The following XPO4 variants were observed in gnomAD, a reference collection of about 807,000 sequenced individuals.
XPO4 encodes the protein exportin-4.
In XPO4, 39 loss-of-function variants were observed where a neutral mutation model predicts 143.0. That is an observed-to-expected ratio of 0.27 (90% CI 0.21 to 0.36). The LOEUF (loss-of-function observed/expected upper bound fraction) is 0.36, where lower values mean the gene tolerates loss of function less well. Among genes scored for constraint, XPO4 ranks in the 10% least tolerant of loss-of-function variants. The pLI is 1.00. For synonymous variants in XPO4, 439 were observed against 474.0 expected (o/e 0.93, Z 0.96); for missense variants, 907 against 1,348.0 (o/e 0.67, Z 5.12).
intron 6 of XPO4, among the ~76,000 whole-genome samples, chr13:20,839,116 T>C (rs1184152770): frequency 4.6e-5 from 7 of 151,908 alleles, no homozygotes; most frequent in Admixed American, 1.3e-4. Flanking sequence ...AATACAAAAC[T>C]AGCAGGGCGT....
chr13:20,795,389 C>T (rs972938624), intron 18 of XPO4, among the ~76,000 whole-genome samples: 2 of 152,166 alleles, frequency 1.3e-5, no homozygotes, highest in African/African-American at 2.4e-5. Flanking sequence ...AGACACAATG[C>T]TAGGCACCAA....
chr13:20,868,772 C>G, intron 1 of XPO4, 71 bp from the exon 2 acceptor site: 4 of 1,430,932 alleles, frequency 2.8e-6, no homozygotes, highest in Non-Finnish European at 3.8e-6. Context: ...ATATTTTTAC[C>G]CACAAGAACA....
chr13:20,785,060 G>A (rs2059183888), intron 22 of XPO4, among the ~76,000 whole-genome samples: 1 of 152,132 alleles, frequency 6.6e-6, no homozygotes, highest in Non-Finnish European at 1.5e-5. Context: ...TAGGGACAGG[G>A]TTCTGCAATG....
Position 20,809,241 on chromosome 13 carries a change from G to T in XPO4, c.1351-16C>A, listed in dbSNP as rs758735632. 16 of 1,610,720 alleles carry T rather than the reference G, an allele frequency of 9.9e-6. No individual in the cohort carries two copies. The East Asian group carries it at 2.5e-4, about 25-fold the overall frequency. On this transcript the variant is annotated splice_polypyrimidine_tract_variant and intron_variant, in intron 10 of 22. Coordinates refer to ENST00000255305, the MANE Select transcript of XPO4 (RefSeq NM_022459.5). ...CATTGGCAGTCTATTGCAAGTAAAAGAAATAAACAATGAGGAACTGCATTG... is the reference window on the plus strand; with the variant it reads ...CATTGGCAGTCTATTGCAAGTAAAATAAATAAACAATGAGGAACTGCATTG...
At chr13:20,784,551 TTC>T (rs1164908702) in intron 22 of XPO4, among the ~76,000 whole-genome samples, 2 of 152,302 alleles carry the variant, frequency 1.3e-5, no homozygotes, top group Admixed American at 6.5e-5. Context: ...ATGGGAAATT[TTC>T]TGTTTTTAAT....
rs1264705281 is a variant in XPO4, at chr13:20,821,809, T to C, written c.1068A>G (p.Pro356=). 5.0e-6 allele frequency: 8 copies of C among 1,614,004 alleles called. No individual in the cohort carries two copies. Among genetic ancestry groups the C allele is most frequent in the African/African-American group, 1.3e-5 (1 of 74,954 alleles). ...SIISNLITVF[P]RNVLTAIPSE... ...TTGGAATGGCAGTTAAAACATTTCG[T>C]GGGAACACGGTTATCAGGTTGCTGA... Residue 356 remains proline (P), a synonymous_variant, in exon 9 of 23, where the codon CCA becomes CCG. Transcript: ENST00000255305.
In XPO4 at chr13:20,790,583, A is replaced by G; in HGVS notation, c.2798-3T>C. ...CTCATGTCCTCTAAACACTTCATCT[A>G]TTAAAATAAAAGGATGCAGGCTTAT... is the stretch of plus-strand genomic sequence containing the variant. On this transcript the variant is annotated splice_region_variant and splice_polypyrimidine_tract_variant and intron_variant, in intron 18 of 22. Coordinates refer to ENST00000255305, the MANE Select transcript of XPO4 (RefSeq NM_022459.5). 6.2e-7 allele frequency: 1 copy of G among 1,610,902 alleles called. No homozygotes were observed.
intron 6 of XPO4, among the ~76,000 whole-genome samples, chr13:20,838,881 C>A (rs1366905541): frequency 6.6e-6 from 1 of 152,042 alleles, no homozygotes; most frequent in African/African-American, 2.4e-5. Context: ...GTGGTATATC[C>A]ATACAATATT....
intron 2 of XPO4, among the ~76,000 whole-genome samples, chr13:20,866,928 T>C (rs1374769813): frequency 6.6e-6 from 1 of 152,212 alleles, no homozygotes; most frequent in Non-Finnish European, 1.5e-5. Context: ...GAAAGTCAGA[T>C]GAAACACTGA....
chr13:20,856,847 G>A (rs557943737), intron 3 of XPO4: 114 of 985,006 alleles, frequency 1.2e-4, no homozygotes, highest in Admixed American at 3.1e-4. Context: ...AGATTATGAC[G>A]TCACTTTCTC....
chr13:20,902,628 G>A (rs1404726148), intron 1 of XPO4, 42 bp downstream of exon 1: 9 of 1,519,346 alleles, frequency 5.9e-6, no homozygotes, highest in Non-Finnish European at 7.9e-6. Context: ...GGCCGACCGG[G>A]GGCCCGCGAA....
chr13:20,889,905 C>T (rs905094604), intron 1 of XPO4, among the ~76,000 whole-genome samples: 5 of 152,232 alleles, frequency 3.3e-5, no homozygotes, highest in African/African-American at 1.2e-4. Context: ...ATTTATAAAT[C>T]TAAAAATGAA....
At position 20,850,951 on chromosome 13, in the gene XPO4, TTTAG is replaced by T. The variant is rs1249769867; in HGVS notation, c.456+4672_456+4675del. The T allele has an allele frequency of 7.1e-6, 7 of 985,302 alleles. No homozygotes were observed. The South Asian group carries it at 2.3e-4, about 33-fold the overall frequency. 61.0% of individuals were successfully genotyped at this position (985,302 alleles called of 1,614,324 possible). On this transcript the variant is annotated intron_variant, in intron 4 of 22. Coordinates refer to ENST00000255305, the MANE Select transcript of XPO4 (RefSeq NM_022459.5). ...ACCCTTTCTTCATCTACAGAAAACC[TTTAG>T]TTAATTTTTTCTACTTTTCAAATCT...
chr13:20,792,153 G>A (rs1230958531), intron 18 of XPO4, among the ~76,000 whole-genome samples: 1 of 152,170 alleles, frequency 6.6e-6, no homozygotes, highest in African/African-American at 2.4e-5. Flanking sequence ...AAAGCAGGTC[G>A]GATACCACGT....
chr13:20,861,986 C>T (rs922020079), intron 3 of XPO4, among the ~76,000 whole-genome samples: 12 of 151,712 alleles, frequency 7.9e-5, no homozygotes, highest in Non-Finnish European at 1.6e-4. Flanking sequence ...ATGGCGTTTC[C>T]GCATATTGGC....
intron 20 of XPO4, 147 bp downstream of exon 20, chr13:20,788,339 G>T: frequency 9.6e-7 from 1 of 1,041,090 alleles, no homozygotes; most frequent in Non-Finnish European, 1.3e-6. Flanking sequence ...TTACAGGTGT[G>T]AGCCACCGTG....
At chr13:20,787,145 G>T in intron 21 of XPO4, 88 bp from the exon 22 acceptor site, 2 of 1,122,954 alleles carry the variant, frequency 1.8e-6, no homozygotes, top group Non-Finnish European at 2.5e-6. Context: ...AGAAGAGAGG[G>T]TTGGTTGTTA....
chr13:20,880,063 TTGA>T (rs1212288565), intron 1 of XPO4, among the ~76,000 whole-genome samples: 6 of 152,072 alleles, frequency 3.9e-5, no homozygotes, highest in African/African-American at 1.5e-4. Context: ...ATAACAAGTG[TTGA>T]TGAGGATGTG....
chr13:20,838,622 AAAAAAAAG>A (rs1336447350), intron 6 of XPO4, among the ~76,000 whole-genome samples: 2 of 151,296 alleles, frequency 1.3e-5, no homozygotes, highest in African/African-American at 4.8e-5. Context: ...AAAAAAAAAA[AAAAAAAAG>A]AAAGAAATTA....
Sources: gnomAD v4.1 joint callset for allele counts (sites outside exome capture counted in the v4.1 genomes callset) on GRCh38, gnomAD v4.1.1 for gene constraint, MANE v1.5 for transcripts, NCBI Gene and HGNC (gene_info 2026-07-23, HGNC 2026-07-21) for gene names.